CNTNAP5: variants seen among roughly 807,000 people sequenced by gnomAD.
CNTNAP5 encodes the protein contactin associated protein family member 5.
A neutral mutation model predicts 150.2 loss-of-function variants in CNTNAP5; 72 were observed. The ratio of observed to expected loss-of-function variants is 0.48; its 90% CI spans 0.40 to 0.58. CNTNAP5 has a LOEUF of 0.58. CNTNAP5 is among the 20% of genes least tolerant of loss of function. The probability of loss-of-function intolerance (pLI) is 0.00; values close to 1 mark genes in which losing one functional copy is unlikely to be tolerated. For synonymous variants in CNTNAP5, 672 were observed against 619.8 expected, an observed-to-expected ratio of 1.08 and a Z score of -1.25; for missense variants, 1,636 against 1,626.2, an observed-to-expected ratio of 1.01 and a Z score of -0.10.
At chr2:124,217,994 A>G (rs1686202053) in intron 1 of CNTNAP5, among the ~76,000 whole-genome samples, 1 of 152,186 alleles carries the variant, frequency 6.6e-6, no homozygotes, top group South Asian at 2.1e-4. Flanking sequence ...AACCCTCAAT[A>G]TGCTTTCCAC....
chr2:124,704,719 A>G (rs7581991), intron 13 of CNTNAP5, among the ~76,000 whole-genome samples: 54,207 of 151,966 alleles, frequency 0.36, 9,995 homozygotes, highest in Non-Finnish European at 0.42. Context: ...TCTTTGCAGG[A>G]GCCTGTAAAT....
intron 3 of CNTNAP5, among the ~76,000 whole-genome samples, chr2:124,361,969 G>A (rs1272822168): frequency 6.6e-6 from 1 of 152,186 alleles, no homozygotes; most frequent in East Asian, 1.9e-4. Context: ...AGACTTCGTG[G>A]GCGTAGGACC....
Position 124,361,852 on chromosome 2 carries a change from C to G in CNTNAP5, c.382-55591C>G, listed in dbSNP as rs899278139. On this transcript the variant is annotated intron_variant, in intron 3 of 23. Transcript: ENST00000682447. ...TGAGCTCCACCCAGTTCGAGCTTCC[C>G]AGCTGCTTTGTTTACCTAAGCAAGC... 1.5e-3 allele frequency among the ~76,000 whole-genome samples: 227 copies of G among 152,160 alleles called. 2 individuals are homozygous for G. Among genetic ancestry groups the G allele is most frequent in the Non-Finnish European group, 2.9e-3 (199 of 68,022 alleles).
chr2:124,685,475 T>A (rs1016085275), intron 13 of CNTNAP5, among the ~76,000 whole-genome samples: 3 of 152,050 alleles, frequency 2.0e-5, no homozygotes, highest in Non-Finnish European at 4.4e-5. Context: ...TATCCCAGCA[T>A]CTCTTCATTG....
At chr2:124,699,816 TTCTTTCTTTCCTTC>T (rs919895021) in intron 13 of CNTNAP5, among the ~76,000 whole-genome samples, 3 of 151,552 alleles carry the variant, frequency 2.0e-5, no homozygotes, top group Non-Finnish European at 4.4e-5. Flanking sequence ...TTCTCTTTCT[TTCTTTCTTTCCTTC>T]TCTTTCTTTC....
chr2:124,055,537 G>C (rs191537353), intron 1 of CNTNAP5, among the ~76,000 whole-genome samples: 1 of 151,906 alleles, frequency 6.6e-6, no homozygotes, highest in Non-Finnish European at 1.5e-5. Context: ...GAATGTTCTC[G>C]TCCAGTGACT....
intron 1 of CNTNAP5, among the ~76,000 whole-genome samples, chr2:124,188,481 A>G (rs1685382316): frequency 6.6e-6 from 1 of 152,080 alleles, no homozygotes; most frequent in Non-Finnish European, 1.5e-5. Context: ...GGACTTTGGG[A>G]GGCCAAGGTG....
At chr2:124,412,432 A>G (rs1005313024) in intron 3 of CNTNAP5, among the ~76,000 whole-genome samples, 4 of 148,970 alleles carry the variant, frequency 2.7e-5, no homozygotes, top group African/African-American at 9.7e-5. Context: ...GGCAATCCTA[A>G]GCCAAAAGAA....
At chr2:124,556,156 G>C (rs1695750670) in intron 10 of CNTNAP5, among the ~76,000 whole-genome samples, 1 of 152,196 alleles carries the variant, frequency 6.6e-6, no homozygotes, top group Admixed American at 6.5e-5. Flanking sequence ...TTGTTTGAAG[G>C]AGGATGTGCA....
intron 1 of CNTNAP5, among the ~76,000 whole-genome samples, chr2:124,149,128 G>C (rs962305248): frequency 6.6e-6 from 1 of 152,038 alleles, no homozygotes; most frequent in Admixed American, 6.6e-5. Flanking sequence ...CTTCAAGGCT[G>C]TGGGTGTTTC....
At chr2:124,864,716 G>A (rs1160116239) in intron 19 of CNTNAP5, among the ~76,000 whole-genome samples, 1 of 152,080 alleles carries the variant, frequency 6.6e-6, no homozygotes, top group East Asian at 1.9e-4. Flanking sequence ...TAACCAACAA[G>A]GAATAGCTAA....
intron 14 of CNTNAP5, among the ~76,000 whole-genome samples, chr2:124,758,449 C>CTG (rs150577706): frequency 5.9e-4 from 90 of 151,388 alleles, no homozygotes; most frequent in South Asian, 4.0e-3. Flanking sequence ...GTGTGTGTGT[C>CTG]TGTGTGTCTG....
Position 124,653,917 on chromosome 2 carries a change from C to G in CNTNAP5, c.2077+5959C>G, listed in dbSNP as rs528049268. The stretch of plus-strand genomic sequence containing the variant: ...CATGCCCCCACTGCCCCCAACCCCC[C>G]CCCCCCGCCACACACACACAATCAG... On this transcript the variant is annotated intron_variant, in intron 13 of 23. Coordinates refer to ENST00000682447, the MANE Select transcript of CNTNAP5 (RefSeq NM_001367498.1). Among the ~76,000 whole-genome samples the G allele has an allele frequency of 3.4e-4, 47 of 137,110 alleles. No individual in the cohort carries two copies. The East Asian group carries it at 4.4e-3, about 13-fold the overall frequency. The allele number at this position is 137,110 out of a possible 152,430, so 89.9% of individuals were successfully genotyped here. A position where few individuals can be genotyped will look rare whatever the true frequency, so the allele number is the denominator to read the frequency against.
chr2:124,895,632 T>C (rs918500216), intron 21 of CNTNAP5, among the ~76,000 whole-genome samples: 1 of 151,296 alleles, frequency 6.6e-6, no homozygotes, highest in Non-Finnish European at 1.5e-5. Context: ...CTCAAAAAAA[T>C]AGAGAAATAG....
intron 1 of CNTNAP5, among the ~76,000 whole-genome samples, chr2:124,088,423 C>T (rs1453598483): frequency 6.6e-6 from 1 of 151,842 alleles, no homozygotes; most frequent in African/African-American, 2.4e-5. Context: ...TCAGCTTATT[C>T]TATCTTTCAT....
chr2:124,103,382 G>C (rs975514261), intron 1 of CNTNAP5, among the ~76,000 whole-genome samples: 3 of 151,472 alleles, frequency 2.0e-5, no homozygotes, highest in Non-Finnish European at 2.9e-5. Context: ...GTGTTTATAA[G>C]GCCTACAGCA....
chr2:124,228,073 G>A (rs1227998157), intron 2 of CNTNAP5, among the ~76,000 whole-genome samples: 1 of 152,046 alleles, frequency 6.6e-6, no homozygotes, highest in Non-Finnish European at 1.5e-5. Flanking sequence ...AATTCAGTCT[G>A]AGTCCAAAGA....
intron 3 of CNTNAP5, among the ~76,000 whole-genome samples, chr2:124,366,163 G>A (rs11680817): frequency 0.11 from 16,067 of 152,026 alleles, 1,221 homozygotes; most frequent in East Asian, 0.21. Context: ...CAATTAATTA[G>A]CATTAGTCAT....
At chr2:124,040,691 G>T (rs944381076) in intron 1 of CNTNAP5, among the ~76,000 whole-genome samples, 12 of 151,086 alleles carry the variant, frequency 7.9e-5, no homozygotes, top group Admixed American at 4.0e-4. Context: ...AGAAGACAGA[G>T]ACATCTTTGG....
Sources: allele counts gnomAD v4.1 joint callset (sites outside exome capture counted in the v4.1 genomes callset), GRCh38; gene constraint gnomAD v4.1.1; transcripts MANE v1.5; gene names NCBI Gene and HGNC (gene_info 2026-07-23, HGNC 2026-07-21).